Variants in KDM5B observed in about 807,000 individuals in gnomAD.
KDM5B encodes the protein lysine demethylase 5B.
KDM5B carries 144 observed loss-of-function variants against 193.4 expected under a neutral mutation model. The observed-to-expected ratio is 0.74, with a 90% CI of 0.65 to 0.86. The LOEUF (loss-of-function observed/expected upper bound fraction) is 0.86. KDM5B is among the 40% of genes least tolerant of loss of function. KDM5B has a pLI of 0.00. For synonymous variants in KDM5B, 668 were observed against 682.6 expected, an observed-to-expected ratio of 0.98 and a Z score of 0.33; for missense variants, 1,833 against 1,886.9, an observed-to-expected ratio of 0.97 and a Z score of 0.53.
At chr1:202,729,607 G>C in intron 26 of KDM5B, 100 bp downstream of exon 26, 1 of 981,790 alleles carries the variant, frequency 1.0e-6, no homozygotes, top group Non-Finnish European at 1.5e-6. Flanking sequence ...TCAGCTCAAA[G>C]CAGATAAGCA....
Position 202,808,172 on chromosome 1 carries a change from G to A in KDM5B, c.134C>T (p.Pro45Leu). 3 of 1,613,234 alleles carry A rather than the reference G, an allele frequency of 1.9e-6. No individual in the cohort carries two copies. The highest frequency in any genetic ancestry group is 2.5e-6 in the Non-Finnish European group (3 of 1,179,590). ...FEPSWEEFADPFAFIHKIRPI... is the reference protein window; with the variant it reads ...FEPSWEEFADLFAFIHKIRPI... ...CCGGATCTTGTGGATGAAAGCGAAG[G>A]GGTCCGCGAACTCTTCCCAGCTGGG... Residue 45 changes from proline to leucine, a missense_variant, in exon 1 of 27, where the codon CCC becomes CTC. By Grantham distance (98) the Pro-to-Leu change is moderately conservative. This residue lies in a region of KDM5B where 355 missense variants were observed against 374.9 expected (regional missense o/e 0.95). Transcript: ENST00000367265.
In KDM5B at chr1:202,767,059, C is replaced by A; in HGVS notation, c.578G>T (p.Cys193Phe). The A allele has an allele frequency of 6.2e-7, 1 of 1,609,062 alleles. No homozygotes were observed. The highest frequency in any genetic ancestry group is 1.7e-4 in the Middle Eastern group (1 of 6,030). The change falls in exon 5 of 27, where the codon TGT becomes TTT. Residue 193 changes from cysteine to phenylalanine, a missense_variant and splice_region_variant. Transcript: ENST00000367265. Reference protein sequence around the residue: ...NLFLSGDSLRCLQKPNLTTDT... With the variant: ...NLFLSGDSLRFLQKPNLTTDT... The stretch of plus-strand genomic sequence containing the variant: ...TGTGGTCAGGTTTGGCTTCTGCAAA[C>A]ACTAGAAATAACAACTGTACTGATA...
chr1:202,769,040 CTT>C (rs527911947), intron 4 of KDM5B, among the ~76,000 whole-genome samples: 16 of 119,554 alleles, frequency 1.3e-4, no homozygotes, highest in East Asian at 2.6e-4. Context: ...CTTTTTTTTT[CTT>C]TTTTTTTTTT....
At position 202,774,733 on chromosome 1, in the gene KDM5B, G is replaced by A. The variant is rs1345836667; in HGVS notation, c.285C>T (p.Ala95=). ...PRIQRLNELE[A]QTRVKLNFLD... ...AGAAATTCAATTTTACACGAGTTTG[G>A]GCCTAAAAGACAAAGAATTGAGTTT... The change falls in exon 3 of 27, where the codon GCC becomes GCT. Residue 95 remains alanine (A), a splice_region_variant and synonymous_variant. Transcript: ENST00000367265. The A allele has an allele frequency of 3.7e-6, 6 of 1,611,828 alleles. No homozygotes were observed. Among genetic ancestry groups the A allele is most frequent in the South Asian group, 1.1e-5 (1 of 90,642 alleles).
At chr1:202,751,760 G>T (rs1334103605) in intron 12 of KDM5B, among the ~76,000 whole-genome samples, 1 of 152,130 alleles carries the variant, frequency 6.6e-6, no homozygotes, top group Non-Finnish European at 1.5e-5. Flanking sequence ...TGCACAAGGA[G>T]TTCATTCATC....
intron 9 of KDM5B, 45 bp downstream of exon 9, chr1:202,758,346 A>T (rs754359328): frequency 1.3e-6 from 2 of 1,509,768 alleles, no homozygotes; most frequent in Middle Eastern, 3.5e-4. Context: ...ACTTTTCTCC[A>T]AAAGCTATTA....
chr1:202,766,517 AAAG>A lies in KDM5B; in HGVS notation c.711+406_711+408del, dbSNP rs776870027. ...CGAGACTCTGTCTCTAAAAAAAAAA[AAAG>A]AAGTCTGAGAAAAGTGGCTTTAACT... On this transcript the variant is annotated intron_variant, in intron 5 of 26. Coordinates refer to ENST00000367265, the MANE Select transcript of KDM5B (RefSeq NM_006618.5). 3.0e-5 allele frequency: 13 copies of A among 437,560 alleles called. No individual in the cohort carries two copies. In the East Asian group the frequency reaches 3.6e-4, roughly 12 times the overall value. 27.1% of individuals were successfully genotyped at this position (437,560 alleles called of 1,614,324 possible).
intron 3 of KDM5B, 69 bp downstream of exon 3, chr1:202,774,544 G>C: frequency 2.0e-6 from 3 of 1,471,340 alleles, no homozygotes; most frequent in Non-Finnish European, 2.8e-6. Context: ...TCCTTTTTAA[G>C]GCAAAGAAGA....
rs1300533879 is a variant in KDM5B at position 202,742,801 on chromosome 1, A to G, written c.2328T>C (p.Leu776=). The part of the protein sequence containing the change: ...LEAKINKKKS[L]VSFKALIEES... ...CTTCAATTAAAGCCTTGAAGCTGAC[A>G]AGGCCTAGGAATGAAGAAAAAAGTC... The change falls in exon 17 of 27, where the codon CTT becomes CTC. Residue 776 remains leucine, a synonymous_variant. Transcript: ENST00000367265. The G allele has an allele frequency of 6.2e-7, 1 of 1,610,802 alleles. No individual in the cohort carries two copies. Among genetic ancestry groups the G allele is most frequent in the South Asian group, 1.1e-5 (1 of 90,622 alleles).
At chr1:202,734,592 T>C (rs902623862) in intron 22 of KDM5B, among the ~76,000 whole-genome samples, 1 of 152,094 alleles carries the variant, frequency 6.6e-6, no homozygotes, top group African/African-American at 2.4e-5. Context: ...AACCAACATA[T>C]ATACACCTCA....
At chr1:202,761,026 G>GAA (rs745583790) in intron 7 of KDM5B, among the ~76,000 whole-genome samples, 101 of 134,922 alleles carry the variant, frequency 7.5e-4, no homozygotes, top group Admixed American at 1.1e-3. Flanking sequence ...CCTGTCTCAG[G>GAA]AGAAAAAAAA....
chr1:202,801,936 T>A (rs895953288), intron 1 of KDM5B, among the ~76,000 whole-genome samples: 1 of 151,860 alleles, frequency 6.6e-6, no homozygotes. Flanking sequence ...CAAACTTAAA[T>A]TTGAGAATGT....
intron 4 of KDM5B, chr1:202,767,480 C>T: frequency 1.1e-6 from 1 of 940,554 alleles, no homozygotes; most frequent in Non-Finnish European, 1.7e-6. Flanking sequence ...ATGGCGGCAC[C>T]TCACCAAGAC....
intron 1 of KDM5B, among the ~76,000 whole-genome samples, chr1:202,778,089 C>T (rs1262411381): frequency 2.6e-5 from 4 of 151,814 alleles, no homozygotes; most frequent in African/African-American, 4.8e-5. Flanking sequence ...ACAGGAGAAT[C>T]GCTGGAACAC....
intron 2 of KDM5B, among the ~76,000 whole-genome samples, chr1:202,775,798 G>A (rs1656918121): frequency 1.5e-5 from 2 of 132,302 alleles, no homozygotes. Flanking sequence ...AGAGGTTGCA[G>A]TGAGCTGAGA....
chr1:202,729,601 C>CAA, intron 26 of KDM5B, 106 bp downstream of exon 26: 1 of 949,016 alleles, frequency 1.1e-6, no homozygotes, highest in Non-Finnish European at 1.6e-6. Context: ...TTCAGATCAG[C>CAA]TCAAAGCAGA....
At chr1:202,761,419 T>C (rs1214098395) in intron 7 of KDM5B, among the ~76,000 whole-genome samples, 1 of 152,098 alleles carries the variant, frequency 6.6e-6, no homozygotes, top group Non-Finnish European at 1.5e-5. Flanking sequence ...ACTCCAGCCA[T>C]CTCTAAAAAA....
chr1:202,745,512 CTTTG>C (rs1369624191), intron 16 of KDM5B, among the ~76,000 whole-genome samples: 1 of 151,912 alleles, frequency 6.6e-6, no homozygotes, highest in African/African-American at 2.4e-5. Flanking sequence ...TCACAAGATG[CTTTG>C]TTTTTGTTTT....
rs1334264221 is a variant in KDM5B at position 202,761,641 on chromosome 1, C to T, written c.918+1058G>A. 5.9e-5 allele frequency among the ~76,000 whole-genome samples: 9 copies of T among 152,248 alleles called. No individual in the cohort carries two copies. In the East Asian group the frequency reaches 1.5e-3, roughly 26 times the overall value. On this transcript the variant is annotated intron_variant, in intron 7 of 26. Coordinates refer to ENST00000367265, the MANE Select transcript of KDM5B (RefSeq NM_006618.5). ...CGGAGGTAATCATCCAATATGACTG[C>T]TGTCCTTATAAGGACAAAGATATGT...
Sources: allele counts gnomAD v4.1 joint callset (sites outside exome capture counted in the v4.1 genomes callset), GRCh38; gene constraint gnomAD v4.1.1; regional missense constraint gnomAD v4.1.1; transcripts MANE v1.5; gene names NCBI Gene and HGNC (gene_info 2026-07-23, HGNC 2026-07-21).